ARHGEF37: variants seen among roughly 807,000 people sequenced by gnomAD.
ARHGEF37 encodes the protein Rho guanine nucleotide exchange factor 37.
In ARHGEF37, 55 loss-of-function variants were observed where a neutral mutation model predicts 71.1. That is an observed-to-expected ratio of 0.77 (90% CI 0.62 to 0.97). The LOEUF is 0.97. Ranked by LOEUF, ARHGEF37 falls within the 50% of genes least tolerant of loss-of-function variation. The pLI, the probability that ARHGEF37 is intolerant of heterozygous loss-of-function variation, is 0.00. For synonymous variants in ARHGEF37, 327 were observed against 350.6 expected, an observed-to-expected ratio of 0.93 and a Z score of 0.75; for missense variants, 765 against 836.8, an observed-to-expected ratio of 0.91 and a Z score of 1.06.
At chr5:149,586,045 G>A (rs1048293802) in intron 1 of ARHGEF37, among the ~76,000 whole-genome samples, 3 of 152,166 alleles carry the variant, frequency 2.0e-5, no homozygotes, top group Non-Finnish European at 4.4e-5. Flanking sequence ...TAGATCTAGA[G>A]TAAACACTAG....
chr5:149,605,013 G>C (rs1763877739), intron 3 of ARHGEF37, among the ~76,000 whole-genome samples: 1 of 151,784 alleles, frequency 6.6e-6, no homozygotes, highest in Non-Finnish European at 1.5e-5. Context: ...GATCACCTGA[G>C]GTCAGGAGTT....
At chr5:149,630,803 A>G (rs1278323700) in intron 12 of ARHGEF37, among the ~76,000 whole-genome samples, 2 of 152,240 alleles carry the variant, frequency 1.3e-5, no homozygotes, top group Non-Finnish European at 2.9e-5. Context: ...GGGACTCTGC[A>G]GGACTTGCCC....
intron 6 of ARHGEF37, among the ~76,000 whole-genome samples, chr5:149,618,716 G>A (rs989494021): frequency 6.6e-6 from 1 of 152,160 alleles, no homozygotes. Context: ...AGAGTCACAC[G>A]GCTAGGAAGC....
intron 1 of ARHGEF37, among the ~76,000 whole-genome samples, chr5:149,588,198 T>TTTTA (rs569629105): frequency 7.1e-6 from 1 of 140,262 alleles, no homozygotes; most frequent in Non-Finnish European, 1.5e-5. Context: ...TGCCCGGCCT[T>TTTTA]TTTGTTTGTT....
upstream of ARHGEF37, among the ~76,000 whole-genome samples, chr5:149,577,249 C>T (rs761069306): frequency 1.1e-4 from 16 of 152,158 alleles, no homozygotes; most frequent in Admixed American, 1.3e-4. Flanking sequence ...TGAAACATTA[C>T]TGACATGTAT....
At chr5:149,569,321 TTTA>T (rs1654558951) in intron 1 of ARHGEF37, among the ~76,000 whole-genome samples, 1 of 151,636 alleles carries the variant, frequency 6.6e-6, no homozygotes, top group South Asian at 2.1e-4. Flanking sequence ...TATTTATTTA[TTTA>T]TTTTTATTTT....
chr5:149,632,039 G>A lies in ARHGEF37; in HGVS notation c.1876G>A (p.Gly626Ser). 6.2e-7 allele frequency: 1 copy of A among 1,614,254 alleles called. No individual in the cohort carries two copies. The change falls in exon 13 of 13, where the codon GGC becomes AGC. Residue 626 changes from glycine (G) to serine (S), a missense_variant. Coordinates refer to ENST00000333677, the MANE Select transcript of ARHGEF37 (RefSeq NM_001001669.3). ...RSSHEVSLQAGQPVTILEAQD... is the reference protein window; with the variant it reads ...RSSHEVSLQASQPVTILEAQD... ...CAGCCATGAAGTGAGCCTGCAGGCA[G>A]GCCAGCCTGTGACCATCCTGGAGGC...
At chr5:149,561,353 C>G (rs374704835) in intron 1 of ARHGEF37, among the ~76,000 whole-genome samples, 1 of 150,878 alleles carries the variant, frequency 6.6e-6, no homozygotes, top group African/African-American at 2.4e-5. Flanking sequence ...AGGGGCATTA[C>G]TTAAGTGACC....
intron 11 of ARHGEF37, 36 bp downstream of exon 11, chr5:149,627,307 G>A (rs776990290): frequency 2.5e-6 from 4 of 1,595,600 alleles, no homozygotes; most frequent in Non-Finnish European, 3.4e-6. Context: ...TTCTCCTTCG[G>A]GGAAAACCAC....
At chr5:149,601,361 C>A in intron 3 of ARHGEF37, 130 bp downstream of exon 3, 1 of 1,136,160 alleles carries the variant, frequency 8.8e-7, no homozygotes, top group Non-Finnish European at 1.2e-6. Flanking sequence ...TTGGGGATCT[C>A]CAAAACACAA....
At chr5:149,554,335 A>G (rs928633578) in intron 1 of ARHGEF37, among the ~76,000 whole-genome samples, 1 of 152,132 alleles carries the variant, frequency 6.6e-6, no homozygotes, top group Non-Finnish European at 1.5e-5. Flanking sequence ...GTCTCAATAA[A>G]TGAATGAATG....
At chr5:149,600,225 A>G (rs1763711939) in intron 2 of ARHGEF37, among the ~76,000 whole-genome samples, 1 of 152,228 alleles carries the variant, frequency 6.6e-6, no homozygotes, top group South Asian at 2.1e-4. Context: ...TCACCCTGGT[A>G]TATGCAGTTT....
At chr5:149,598,128 C>A (rs999826295) in intron 2 of ARHGEF37, among the ~76,000 whole-genome samples, 173 bp downstream of exon 2, 15 of 152,190 alleles carry the variant, frequency 9.9e-5, no homozygotes, top group African/African-American at 2.9e-4. Context: ...GGCCGTGCAA[C>A]CTCCATCAAG....
intron 10 of ARHGEF37, chr5:149,626,773 C>G (rs1430166556): frequency 8.4e-6 from 2 of 239,102 alleles, no homozygotes; most frequent in African/African-American, 2.2e-5. Context: ...GATAACTTAC[C>G]CTGACGGTAT....
At position 149,607,017 on chromosome 5, in the gene ARHGEF37, G is replaced by A. The variant is rs988033641; in HGVS notation, c.311-2531G>A. ...TGCTACCTCTGCCTCCAGGGTTCAA[G>A]CAGTTCTCCTGCCTCAGCCTCCTGA... On this transcript the variant is annotated intron_variant, in intron 3 of 12. Transcript: ENST00000333677. Among the ~76,000 whole-genome samples, 5 of 152,324 alleles carry A rather than the reference G, an allele frequency of 3.3e-5. No individual in the cohort carries two copies. In the South Asian group the frequency reaches 1.0e-3, roughly 32 times the overall value.
chr5:149,578,579 T>C (rs1157097165), upstream of ARHGEF37, among the ~76,000 whole-genome samples: 1 of 152,218 alleles, frequency 6.6e-6, no homozygotes, highest in African/African-American at 2.4e-5. Context: ...ATAAGAGGAA[T>C]CTAAAGATCA....
At chr5:149,583,978 A>C (rs1763170187) in intron 1 of ARHGEF37, among the ~76,000 whole-genome samples, 1 of 151,996 alleles carries the variant, frequency 6.6e-6, no homozygotes, top group South Asian at 2.1e-4. Flanking sequence ...CACGCTGGTC[A>C]TGAACTCCTG....
At chr5:149,623,809 G>A (rs2113379847) in intron 9 of ARHGEF37, among the ~76,000 whole-genome samples, 1 of 152,282 alleles carries the variant, frequency 6.6e-6, no homozygotes, top group East Asian at 1.9e-4. Context: ...GTGACAAGCT[G>A]TGAATCTGGT....
At chr5:149,573,894 C>A (rs1762998520) in intron 1 of ARHGEF37, among the ~76,000 whole-genome samples, 1 of 152,030 alleles carries the variant, frequency 6.6e-6, no homozygotes, top group South Asian at 2.1e-4. Flanking sequence ...CATAGTATTC[C>A]ATTGTGTGAG....
Sources: gnomAD v4.1 joint callset for allele counts (sites outside exome capture counted in the v4.1 genomes callset) on GRCh38, gnomAD v4.1.1 for gene constraint, MANE v1.5 for transcripts, NCBI Gene and HGNC (gene_info 2026-07-23, HGNC 2026-07-21) for gene names.